TGS1: variants seen among roughly 807,000 people sequenced by gnomAD.
TGS1 encodes the protein trimethylguanosine synthase 1, also known as trimethylguanosine synthase.
Under a neutral mutation model 92.2 loss-of-function variants are expected in TGS1, and 69 were observed. The observed-to-expected ratio is 0.75, with a 90% CI of 0.62 to 0.91. The LOEUF (loss-of-function observed/expected upper bound fraction) is 0.91, where lower values mean the gene tolerates loss of function less well. TGS1 is among the 40% of genes least tolerant of loss of function. TGS1 has a pLI of 0.00. For missense variants in TGS1, 1,062 were observed against 1,001.2 expected, an observed-to-expected ratio of 1.06 and a Z score of -0.82; for synonymous variants, 345 against 338.1, an observed-to-expected ratio of 1.02 and a Z score of -0.22.
intron 8 of TGS1, among the ~76,000 whole-genome samples, chr8:55,801,464 G>A (rs917934323): frequency 6.6e-6 from 1 of 150,814 alleles, no homozygotes; most frequent in African/African-American, 2.4e-5. Flanking sequence ...TAGTAGAGAT[G>A]GGGTTTCACC....
chr8:55,814,441 T>G (rs1803417179), intron 12 of TGS1, among the ~76,000 whole-genome samples: 1 of 152,016 alleles, frequency 6.6e-6, no homozygotes, highest in Non-Finnish European at 1.5e-5. Flanking sequence ...AGCAATGAAA[T>G]TAGATCTTGC....
chr8:55,800,200 C>T, intron 8 of TGS1, among the ~76,000 whole-genome samples: 1 of 151,072 alleles, frequency 6.6e-6, no homozygotes, highest in Non-Finnish European at 1.5e-5. Flanking sequence ...ATCTTTTTAT[C>T]ACATATTTCT....
chr8:55,792,916 A>G, intron 6 of TGS1, 132 bp downstream of exon 6: 1 of 635,410 alleles, frequency 1.6e-6, no homozygotes, highest in South Asian at 2.0e-5. Context: ...TCTTGTTAGA[A>G]TTGTGGTAGA....
Position 55,790,192 on chromosome 8 carries a change from G to T in TGS1, c.1173G>T (p.Lys391Asn). ...NTDPPAEDSQ[K>N]SSGANTSKDR... ...TTTCTGCCTCTTTAGATTCACAGAA[G>T]TCTTCAGGAGCAAACACAAGCAAAG... Residue 391 changes from lysine to asparagine, a missense_variant, in exon 5 of 13, where the codon AAG becomes AAT. By Grantham distance (94) the Lys-to-Asn change is moderately conservative. Transcript: ENST00000260129. 1 of 1,613,516 alleles carries T rather than the reference G, an allele frequency of 6.2e-7. No individual in the cohort carries two copies. The highest frequency in any genetic ancestry group is 8.5e-7 in the Non-Finnish European group (1 of 1,179,616).
chr8:55,816,034 A>G (rs1190121863), intron 12 of TGS1, among the ~76,000 whole-genome samples: 1 of 151,956 alleles, frequency 6.6e-6, no homozygotes, highest in African/African-American at 2.4e-5. Context: ...GCTCACTGCA[A>G]CCTCAAATTC....
At position 55,811,634 on chromosome 8, in the gene TGS1, G is replaced by C. The variant is rs1007615372; in HGVS notation, c.2360+537G>C. On this transcript the variant is annotated intron_variant, in intron 11 of 12. Transcript: ENST00000260129. ...AAATTAGCCGGGCATGGTGGCACGCGCCTGTACTCCCAGCAACTCAGGAGG... is the reference window on the plus strand; with the variant it reads ...AAATTAGCCGGGCATGGTGGCACGCCCCTGTACTCCCAGCAACTCAGGAGG... 2.0e-5 allele frequency among the ~76,000 whole-genome samples: 3 copies of C among 151,634 alleles called. 1 individual carries two copies. The highest frequency in any genetic ancestry group is 2.1e-4 in the South Asian group (1 of 4,808).
intron 7 of TGS1, among the ~76,000 whole-genome samples, chr8:55,796,462 G>C (rs1812053671): frequency 6.6e-6 from 1 of 152,112 alleles, no homozygotes; most frequent in Non-Finnish European, 1.5e-5. Flanking sequence ...GGCTGAGGCA[G>C]GTGGATCACC....
At position 55,821,399 on chromosome 8, in the gene TGS1, G is replaced by T. The variant is rs10111695; in HGVS notation, c.2440-3182G>T. ...TATTGAGTAAAGTAATTTATGAACT[G>T]TTTTGCACAGACTTCAGAACTCATG... On this transcript the variant is annotated intron_variant, in intron 12 of 12. Coordinates refer to ENST00000260129, the MANE Select transcript of TGS1 (RefSeq NM_024831.8). 1.3e-3 allele frequency among the ~76,000 whole-genome samples: 192 copies of T among 152,020 alleles called. 1 individual carries two copies. The highest frequency in any genetic ancestry group is 2.2e-3 in the Non-Finnish European group (151 of 67,980).
chr8:55,801,932 T>C (rs986724815), intron 8 of TGS1, among the ~76,000 whole-genome samples: 1 of 151,848 alleles, frequency 6.6e-6, no homozygotes, highest in African/African-American at 2.4e-5. Context: ...CAGTGGCTCA[T>C]GCCTGTAATC....
At chr8:55,774,615 G>T (rs11780893) in intron 1 of TGS1, among the ~76,000 whole-genome samples, 2 of 152,076 alleles carry the variant, frequency 1.3e-5, no homozygotes, top group African/African-American at 4.8e-5. Context: ...AATGTTTTTT[G>T]TGCTCTTGTA....
In TGS1 at chr8:55,786,732, A is replaced by G. The variant is rs756613800; in HGVS notation, c.834A>G (p.Glu278=). ...CDTDTYTSKT[E]ADDKNDEKCM... ...CAGATACTTACACATCTAAAACAGA[A>G]GCTGATGACAAGAACGATGAAAAAT... is the stretch of plus-strand genomic sequence containing the variant. Residue 278 remains glutamate (E), a synonymous_variant, in exon 4 of 13, where the codon GAA becomes GAG. Transcript: ENST00000260129. 6.2e-7 allele frequency: 1 copy of G among 1,614,188 alleles called. No individual in the cohort carries two copies. The highest frequency in any genetic ancestry group is 1.1e-5 in the South Asian group (1 of 91,086).
chr8:55,810,876 T>C lies in TGS1; in HGVS notation c.2144-5T>C. On this transcript the variant is annotated splice_polypyrimidine_tract_variant and splice_region_variant and intron_variant, in intron 10 of 12. Coordinates refer to ENST00000260129, the MANE Select transcript of TGS1 (RefSeq NM_024831.8). ...TAACTCATTTTTTTCTTTTCCCACT[T>C]TTAGTGATTGCCATTGATATCGATC... 1 of 1,612,912 alleles carries C rather than the reference T, an allele frequency of 6.2e-7. No homozygotes were observed. Among genetic ancestry groups the C allele is most frequent in the Non-Finnish European group, 8.5e-7 (1 of 1,179,276 alleles).
chr8:55,799,155 C>T lies in TGS1; in HGVS notation c.1784C>T (p.Thr595Ile), dbSNP rs1456387881. The T allele has an allele frequency of 6.2e-7, 1 of 1,614,060 alleles. No individual in the cohort carries two copies. Among genetic ancestry groups the T allele is most frequent in the African/African-American group, 1.3e-5 (1 of 74,924 alleles). The stretch of plus-strand genomic sequence containing the variant: ...TATGAAAGAGACAGCTTGCTAGCAA[C>T]TGTTCCAGATGAGCAGGATTGTGTT... ...ENYERDSLLA[T>I]VPDEQDCVTQ... The change falls in exon 8 of 13, where the codon ACT becomes ATT. Residue 595 changes from threonine to isoleucine, a missense_variant. By Grantham distance (89) the Thr-to-Ile change is moderately conservative. Coordinates refer to ENST00000260129, the MANE Select transcript of TGS1 (RefSeq NM_024831.8).
intron 4 of TGS1, among the ~76,000 whole-genome samples, chr8:55,787,500 G>A (rs1175518276): frequency 1.3e-5 from 2 of 152,074 alleles, no homozygotes; most frequent in African/African-American, 4.8e-5. Context: ...TCTCAATGGG[G>A]CACAATATTA....
At position 55,819,288 on chromosome 8, in the gene TGS1, ATTTTTTTT is replaced by A. The variant is rs201975270; in HGVS notation, c.2440-5275_2440-5268del. On this transcript the variant is annotated intron_variant, in intron 12 of 12. Transcript: ENST00000260129. Reference sequence around the variant, plus strand: ...TAGGTTAGCTTGTGATGCCTGGGAGATTTTTTTTTTTTTTTTTTTTTTTTTGAGATGGA... The same window carrying A: ...TAGGTTAGCTTGTGATGCCTGGGAGATTTTTTTTTTTTTTTTTGAGATGGA... Among the ~76,000 whole-genome samples the A allele has an allele frequency of 5.3e-5, 4 of 75,018 alleles. No homozygotes were observed. The South Asian group carries it at 1.9e-3, about 36-fold the overall frequency. 49.2% of individuals were successfully genotyped at this position (75,018 alleles called of 152,430 possible).
rs12155801 is a variant in TGS1, at chr8:55,810,168, A to G, written c.2144-713A>G. 3.3e-4 allele frequency among the ~76,000 whole-genome samples: 50 copies of G among 152,364 alleles called. 1 individual carries two copies. The highest frequency in any genetic ancestry group is 6.2e-4 in the South Asian group (3 of 4,834). Reference sequence around the variant, plus strand: ...TAACGGTTACACTTAGCCCTTTCAAATGAAGAATACTGCCATTAACACAGT... The same window carrying G: ...TAACGGTTACACTTAGCCCTTTCAAGTGAAGAATACTGCCATTAACACAGT... On this transcript the variant is annotated intron_variant, in intron 10 of 12. Transcript: ENST00000260129.
Position 55,825,560 on chromosome 8 carries a change from T to C in TGS1, c.*857T>C, listed in dbSNP as rs1367406661. On this transcript the variant is annotated 3_prime_UTR_variant, in exon 13 of 13. Coordinates refer to ENST00000260129, the MANE Select transcript of TGS1 (RefSeq NM_024831.8). ...GTCCATTGAAGGTTAGACCTGGGACTTCTATATTTTAATAATATGAGCGTG... is the reference window on the plus strand; with the variant it reads ...GTCCATTGAAGGTTAGACCTGGGACCTCTATATTTTAATAATATGAGCGTG... The C allele has an allele frequency of 1.3e-5, 2 of 152,228 alleles. No individual in the cohort carries two copies. The highest frequency in any genetic ancestry group is 2.4e-5 in the African/African-American group (1 of 41,466). The allele number at this position is 152,228 out of a possible 1,614,324, so 9.4% of individuals were successfully genotyped here. A position where few individuals can be genotyped will look rare whatever the true frequency, so the allele number is the denominator to read the frequency against.
chr8:55,790,196 T>C lies in TGS1; in HGVS notation c.1177T>C (p.Ser393Pro), dbSNP rs1462116554. 1 of 1,613,680 alleles carries C rather than the reference T, an allele frequency of 6.2e-7. No homozygotes were observed. The highest frequency in any genetic ancestry group is 1.7e-5 in the Admixed American group (1 of 59,978). Residue 393 changes from serine (S) to proline (P), a missense_variant, in exon 5 of 13, where the codon TCA becomes CCA. By Grantham distance (74) the Ser-to-Pro change is moderately conservative. Transcript: ENST00000260129. ...DPPAEDSQKS[S>P]GANTSKDRPH... is the part of the protein sequence containing the mutation. ...TGCCTCTTTAGATTCACAGAAGTCT[T>C]CAGGAGCAAACACAAGCAAAGACAG...
At chr8:55,780,594 G>A (rs4455803) in intron 1 of TGS1, among the ~76,000 whole-genome samples, 2 of 152,160 alleles carry the variant, frequency 1.3e-5, no homozygotes, top group African/African-American at 2.4e-5. Context: ...GCATATTCCA[G>A]TGTTATATCA....
Sources: allele counts gnomAD v4.1 joint callset (sites outside exome capture counted in the v4.1 genomes callset), GRCh38; gene constraint gnomAD v4.1.1; transcripts MANE v1.5; gene names NCBI Gene and HGNC (gene_info 2026-07-23, HGNC 2026-07-21).